The following MAML3 variants were observed in gnomAD, a reference collection of about 807,000 sequenced individuals.
MAML3 encodes mastermind like transcriptional coactivator 3, also known as mastermind-like protein 3.
Under a neutral mutation model 101.9 loss-of-function variants are expected in MAML3, and 27 were observed. The observed-to-expected ratio is 0.27, with a 90% CI of 0.20 to 0.37. The LOEUF is 0.37. Among genes scored for constraint, MAML3 ranks in the 10% least tolerant of loss-of-function variants. The probability of loss-of-function intolerance (pLI) is 1.00; values close to 1 mark genes in which losing one functional copy is unlikely to be tolerated. For missense variants in MAML3, 1,316 were observed against 1,444.9 expected, an observed-to-expected ratio of 0.91 and a Z score of 1.45; for synonymous variants, 501 against 555.9, an observed-to-expected ratio of 0.90 and a Z score of 1.39.
chr4:139,932,244 T>C (rs1378827033), intron 1 of MAML3, among the ~76,000 whole-genome samples: 1 of 75,600 alleles, frequency 1.3e-5, no homozygotes, highest in Non-Finnish European at 2.3e-5. Flanking sequence ...GTTTTTGTTA[T>C]CTTGATTTTT....
chr4:140,137,566 A>G (rs1178310199), intron 1 of MAML3, among the ~76,000 whole-genome samples: 1 of 152,228 alleles, frequency 6.6e-6, no homozygotes, highest in East Asian at 1.9e-4. Context: ...CACATATATT[A>G]CAAAAAGTTG....
At chr4:139,727,261 T>G (rs1035135429) in intron 3 of MAML3, among the ~76,000 whole-genome samples, 8 of 152,204 alleles carry the variant, frequency 5.3e-5, no homozygotes, top group Non-Finnish European at 8.8e-5. Flanking sequence ...TACAGAAAAC[T>G]GTTGAAATTA....
intron 2 of MAML3, among the ~76,000 whole-genome samples, chr4:139,878,803 A>G (rs956999048): frequency 7.2e-5 from 11 of 152,188 alleles, no homozygotes; most frequent in African/African-American, 2.7e-4. Context: ...TGTGCCTGAG[A>G]GCAGTCTTGC....
chr4:139,927,954 T>G (rs79541961), intron 1 of MAML3, among the ~76,000 whole-genome samples: 9,797 of 152,302 alleles, frequency 0.064, 1,003 homozygotes, highest in African/African-American at 0.21. Flanking sequence ...GTGAGCTTAT[T>G]GCTACTGGGC....
chr4:139,884,811 A>G (rs1206137403), intron 2 of MAML3, among the ~76,000 whole-genome samples: 1 of 152,188 alleles, frequency 6.6e-6, no homozygotes, highest in Admixed American at 6.5e-5. Flanking sequence ...ATCAACTGTA[A>G]TCATATTTTT....
At chr4:139,770,696 T>C (rs945629191) in intron 2 of MAML3, among the ~76,000 whole-genome samples, 7 of 152,224 alleles carry the variant, frequency 4.6e-5, no homozygotes, top group African/African-American at 1.7e-4. Flanking sequence ...GATCTCTTTT[T>C]AGAATTAGCT....
chr4:140,065,286 C>CT (rs561578229), intron 1 of MAML3, among the ~76,000 whole-genome samples: 167 of 145,724 alleles, frequency 1.1e-3, no homozygotes, highest in Admixed American at 2.8e-3. Context: ...TTACGGTTTG[C>CT]TTTTTTTTTT....
At chr4:140,027,397 T>C (rs1186276310) in intron 1 of MAML3, among the ~76,000 whole-genome samples, 1 of 152,238 alleles carries the variant, frequency 6.6e-6, no homozygotes, top group Non-Finnish European at 1.5e-5. Flanking sequence ...ACTTTAGTTG[T>C]TTGCACTCTG....
At chr4:139,921,948 G>T (rs1335564658) in intron 1 of MAML3, among the ~76,000 whole-genome samples, 1 of 152,150 alleles carries the variant, frequency 6.6e-6, no homozygotes, top group Non-Finnish European at 1.5e-5. Context: ...TTACTATATG[G>T]TCCCAAGTGT....
intron 2 of MAML3, among the ~76,000 whole-genome samples, chr4:139,796,807 G>A (rs1194209424): frequency 6.6e-6 from 1 of 152,108 alleles, no homozygotes; most frequent in Non-Finnish European, 1.5e-5. Context: ...AGAAATGATA[G>A]TCACCAAAGT....
At chr4:139,857,103 T>C (rs1041085125) in intron 2 of MAML3, among the ~76,000 whole-genome samples, 1 of 152,190 alleles carries the variant, frequency 6.6e-6, no homozygotes, top group Non-Finnish European at 1.5e-5. Context: ...ATCAGCGACA[T>C]TAAACACCAA....
chr4:139,897,541 A>G lies in MAML3; in HGVS notation c.469-6574T>C, dbSNP rs543706167. ...CACCAACCATACCCAATTAAACCTC[A>G]AGAACTATCCATTCTATGAATTTTA... On this transcript the variant is annotated intron_variant, in intron 1 of 4. Transcript: ENST00000509479. 2.6e-5 allele frequency among the ~76,000 whole-genome samples: 4 copies of G among 152,210 alleles called. No individual in the cohort carries two copies. The East Asian group carries it at 7.7e-4, about 29-fold the overall frequency.
intron 1 of MAML3, among the ~76,000 whole-genome samples, chr4:139,920,816 G>C (rs549404711): frequency 1.3e-5 from 2 of 152,304 alleles, no homozygotes; most frequent in East Asian, 3.9e-4. Flanking sequence ...TCTGGGGTGA[G>C]TGACCTGCAG....
At chr4:140,047,383 A>G (rs1727199624) in intron 1 of MAML3, among the ~76,000 whole-genome samples, 1 of 152,138 alleles carries the variant, frequency 6.6e-6, no homozygotes, top group South Asian at 2.1e-4. Flanking sequence ...ATACACCAGG[A>G]AGAAGAGAAG....
chr4:139,796,025 C>T (rs1730506215), intron 2 of MAML3, among the ~76,000 whole-genome samples: 1 of 152,138 alleles, frequency 6.6e-6, no homozygotes, highest in South Asian at 2.1e-4. Context: ...TTTTTTGAGG[C>T]TGGAAAACTA....
At chr4:139,795,859 C>T (rs1485250839) in intron 2 of MAML3, among the ~76,000 whole-genome samples, 1 of 152,200 alleles carries the variant, frequency 6.6e-6, no homozygotes, top group Non-Finnish European at 1.5e-5. Context: ...TGTAACTACG[C>T]ATGTATGTGC....
chr4:140,146,617 G>A (rs1278195088), intron 1 of MAML3, among the ~76,000 whole-genome samples: 3 of 152,102 alleles, frequency 2.0e-5, no homozygotes, highest in South Asian at 2.1e-4. Context: ...GAATCTGTCT[G>A]GAAAGCAGGC....
intron 1 of MAML3, among the ~76,000 whole-genome samples, chr4:139,902,889 G>T (rs1323514705): frequency 6.6e-6 from 1 of 152,180 alleles, no homozygotes; most frequent in Non-Finnish European, 1.5e-5. Flanking sequence ...ACCCTTTAGT[G>T]CCCCTTTAAG....
intron 1 of MAML3, among the ~76,000 whole-genome samples, chr4:140,079,780 T>C (rs1727834883): frequency 6.6e-6 from 1 of 152,192 alleles, no homozygotes; most frequent in Non-Finnish European, 1.5e-5. Context: ...ACTAATACCA[T>C]GACCTTCTTA....
Sources: gnomAD v4.1 joint callset for allele counts (sites outside exome capture counted in the v4.1 genomes callset) on GRCh38, gnomAD v4.1.1 for gene constraint, MANE v1.5 for transcripts, NCBI Gene and HGNC (gene_info 2026-07-23, HGNC 2026-07-21) for gene names.